Variants in EYS observed in about 807,000 individuals in gnomAD.
EYS encodes EGF-like photoreceptor maintenance factor.
A neutral mutation model predicts 282.1 loss-of-function variants in EYS; 250 were observed. That is an observed-to-expected ratio of 0.89 (90% CI 0.80 to 0.98). EYS has a LOEUF of 0.98. Ranked by LOEUF, EYS falls within the 50% of genes least tolerant of loss-of-function variation. The probability of loss-of-function intolerance (pLI) is 0.00; values close to 1 mark genes in which losing one functional copy is unlikely to be tolerated. For synonymous variants in EYS, 1,355 were observed against 1,282.9 expected (o/e 1.06, Z -1.20); for missense variants, 4,016 against 3,709.0 (o/e 1.08, Z -2.15).
At chr6:64,459,212 C>A (rs1356087671) in intron 26 of EYS, among the ~76,000 whole-genome samples, 7 of 152,008 alleles carry the variant, frequency 4.6e-5, no homozygotes, top group Admixed American at 4.6e-4. Flanking sequence ...AATCTTTTTC[C>A]TTTTCCTTCT....
chr6:64,109,100 GAA>G (rs1345632705), intron 31 of EYS, among the ~76,000 whole-genome samples: 3 of 152,026 alleles, frequency 2.0e-5, no homozygotes, highest in Non-Finnish European at 4.4e-5. Flanking sequence ...GCATTCAGTA[GAA>G]CATTTACATC....
chr6:64,260,225 G>A (rs1016963267), intron 30 of EYS, among the ~76,000 whole-genome samples: 3 of 152,034 alleles, frequency 2.0e-5, no homozygotes, highest in African/African-American at 7.2e-5. Context: ...TAAACACAGT[G>A]AGAATGGCAG....
At chr6:65,524,058 G>A (rs913840086) in intron 2 of EYS, among the ~76,000 whole-genome samples, 1 of 152,168 alleles carries the variant, frequency 6.6e-6, no homozygotes, top group African/African-American at 2.4e-5. Flanking sequence ...TTTTAGTAGA[G>A]ACGGGGTTTC....
At chr6:64,668,212 C>A (rs545906657) in intron 22 of EYS, among the ~76,000 whole-genome samples, 1 of 152,262 alleles carries the variant, frequency 6.6e-6, no homozygotes, top group South Asian at 2.1e-4. Context: ...TTAATGCTTT[C>A]ATGCTAAAAG....
intron 12 of EYS, among the ~76,000 whole-genome samples, chr6:65,193,647 G>A (rs193214496): frequency 4.0e-4 from 61 of 151,076 alleles, no homozygotes; most frequent in African/African-American, 9.2e-4. Context: ...GCCTACATCA[G>A]GCACTGTTTC....
At chr6:65,408,177 G>T (rs925346542) in intron 5 of EYS, among the ~76,000 whole-genome samples, 1 of 152,032 alleles carries the variant, frequency 6.6e-6, no homozygotes, top group Non-Finnish European at 1.5e-5. Flanking sequence ...GTTTATATGT[G>T]ATTGGATTCA....
chr6:64,989,956 C>T (rs970846222), intron 14 of EYS, among the ~76,000 whole-genome samples: 1 of 150,906 alleles, frequency 6.6e-6, no homozygotes, highest in Non-Finnish European at 1.5e-5. Context: ...GACTAAAGAA[C>T]AGAGATACAC....
chr6:64,704,526 ACTT>A (rs1770924201), intron 22 of EYS, among the ~76,000 whole-genome samples: 1 of 141,154 alleles, frequency 7.1e-6, no homozygotes, highest in Non-Finnish European at 1.5e-5. Context: ...TAATTATAAT[ACTT>A]ATAATAATAT....
At chr6:64,972,042 C>T (rs910459338) in intron 14 of EYS, among the ~76,000 whole-genome samples, 1 of 152,020 alleles carries the variant, frequency 6.6e-6, no homozygotes, top group African/African-American at 2.4e-5. Context: ...GGGGGTAAAG[C>T]GTTTCTAGCA....
intron 31 of EYS, among the ~76,000 whole-genome samples, chr6:64,129,763 G>C (rs538629576): frequency 0.011 from 1,661 of 152,188 alleles, 25 homozygotes; most frequent in African/African-American, 0.038. Flanking sequence ...TATGGTTTTA[G>C]GTCTAACATG....
intron 29 of EYS, among the ~76,000 whole-genome samples, chr6:64,383,404 T>C (rs746904186): frequency 6.6e-6 from 1 of 152,188 alleles, no homozygotes; most frequent in Non-Finnish European, 1.5e-5. Flanking sequence ...ATAATTCTTA[T>C]TGGATGAGTC....
At chr6:64,780,146 T>C (rs1773815438) in intron 22 of EYS, among the ~76,000 whole-genome samples, 1 of 152,220 alleles carries the variant, frequency 6.6e-6, no homozygotes, top group Non-Finnish European at 1.5e-5. Flanking sequence ...AGATCACCAA[T>C]ATAAAGGAAA....
intron 29 of EYS, among the ~76,000 whole-genome samples, chr6:64,354,914 T>C (rs1432698032): frequency 6.6e-6 from 1 of 151,538 alleles, no homozygotes; most frequent in East Asian, 2.0e-4. Context: ...AGCTGAAATG[T>C]AGGAGCCCTT....
intron 22 of EYS, among the ~76,000 whole-genome samples, chr6:64,787,146 GA>G (rs1350789568): frequency 2.0e-5 from 3 of 152,116 alleles, no homozygotes; most frequent in Non-Finnish European, 4.4e-5. Flanking sequence ...ATGATTTTAT[GA>G]GTCCCTTGTG....
intron 12 of EYS, among the ~76,000 whole-genome samples, chr6:65,148,016 A>T (rs1764519972): frequency 6.6e-6 from 1 of 152,068 alleles, no homozygotes; most frequent in Admixed American, 6.6e-5. Flanking sequence ...GGTTCCTCCC[A>T]TGACACATGG....
chr6:65,691,475 G>A (rs982692991), intron 1 of EYS, among the ~76,000 whole-genome samples: 1 of 147,634 alleles, frequency 6.8e-6, no homozygotes. Flanking sequence ...GTAGATTCTG[G>A]ATATTAGCCC....
intron 12 of EYS, among the ~76,000 whole-genome samples, chr6:65,138,468 G>A (rs1046794494): frequency 4.6e-5 from 7 of 151,884 alleles, no homozygotes; most frequent in Non-Finnish European, 1.0e-4. Flanking sequence ...ACGCTGAAAT[G>A]GAAAAATGCA....
chr6:63,773,410 T>C (rs1271401480), intron 40 of EYS, among the ~76,000 whole-genome samples: 1 of 152,166 alleles, frequency 6.6e-6, no homozygotes, highest in Non-Finnish European at 1.5e-5. Flanking sequence ...AAGCTGGCCA[T>C]AGCTTCACAA....
chr6:65,271,815 G>A (rs12210878), intron 12 of EYS, among the ~76,000 whole-genome samples: 6,365 of 151,968 alleles, frequency 0.042, 181 homozygotes, highest in Middle Eastern at 0.065. Context: ...AACTCCTGAC[G>A]TCAAGCGATC....
Sources: gnomAD v4.1 joint callset for allele counts (sites outside exome capture counted in the v4.1 genomes callset) on GRCh38, gnomAD v4.1.1 for gene constraint, MANE v1.5 for transcripts, NCBI Gene and HGNC (gene_info 2026-07-23, HGNC 2026-07-21) for gene names.